Variants in PBX1 observed in about 807,000 individuals in gnomAD.
PBX1 encodes pre-B-cell leukemia transcription factor 1.
PBX1 carries 6 observed loss-of-function variants against 53.4 expected under a neutral mutation model. The ratio of observed to expected loss-of-function variants is 0.11; its 90% confidence interval spans 0.06 to 0.22. The LOEUF is 0.22. PBX1 is among the 10% of genes least tolerant of loss of function. The pLI is 1.00. For missense variants in PBX1, 251 were observed against 551.4 expected (o/e 0.46, Z 5.46); for synonymous variants, 204 against 212.3 (o/e 0.96, Z 0.34).
At chr1:164,842,303 C>T (rs952570866) in intron 8 of PBX1, among the ~76,000 whole-genome samples, 1 of 152,182 alleles carries the variant, frequency 6.6e-6, no homozygotes, top group Admixed American at 6.5e-5. Context: ...GCCATTGCCC[C>T]ATCCTTGGCT....
At chr1:164,709,818 C>T (rs966224819) in intron 2 of PBX1, among the ~76,000 whole-genome samples, 8 of 152,320 alleles carry the variant, frequency 5.3e-5, no homozygotes, top group African/African-American at 1.9e-4. Flanking sequence ...AACATTACCA[C>T]GGACTCAATT....
At chr1:164,603,929 A>ATTTTTTTTTCTTTTTTTT (rs1656370693) in intron 2 of PBX1, among the ~76,000 whole-genome samples, 1 of 75,742 alleles carries the variant, frequency 1.3e-5, no homozygotes, top group Non-Finnish European at 2.3e-5. Context: ...ATGTCATTTC[A>ATTTTTTTTTCTTTTTTTT]TTTTTTTTTT....
In PBX1 at chr1:164,848,683, A is replaced by G. The variant is rs983791845; in HGVS notation, c.*2007A>G. 9 of 1,055,702 alleles carry G rather than the reference A, an allele frequency of 8.5e-6. No homozygotes were observed. Among genetic ancestry groups the G allele is most frequent in the East Asian group, 1.1e-4 (2 of 18,942 alleles). 65.4% of individuals were successfully genotyped at this position (1,055,702 alleles called of 1,614,324 possible). A position where few individuals can be genotyped will look rare whatever the true frequency, so the allele number is the denominator to read the frequency against. ...TTCCCTTAGTTTGCACTTGAACCCAATATGTTGCCTTGTACATACTTGGTC... is the reference window on the plus strand; with the variant it reads ...TTCCCTTAGTTTGCACTTGAACCCAGTATGTTGCCTTGTACATACTTGGTC... On this transcript the variant is annotated 3_prime_UTR_variant, in exon 9 of 9. Coordinates refer to ENST00000420696, the MANE Select transcript of PBX1 (RefSeq NM_002585.4).
intron 3 of PBX1, among the ~76,000 whole-genome samples, chr1:164,797,990 A>G (rs1249835230): frequency 6.6e-6 from 1 of 152,224 alleles, no homozygotes; most frequent in African/African-American, 2.4e-5. Flanking sequence ...AGGTCATGGC[A>G]CAAGAGCATG....
intron 2 of PBX1, among the ~76,000 whole-genome samples, chr1:164,767,642 C>G (rs768523978): frequency 8.2e-5 from 12 of 147,178 alleles, no homozygotes; most frequent in Non-Finnish European, 1.5e-4. Flanking sequence ...GGAGGTAGTA[C>G]AAACATCAAA....
chr1:164,774,527 T>C (rs1246902914), intron 2 of PBX1: 2 of 152,228 alleles, frequency 1.3e-5, no homozygotes, highest in African/African-American at 4.8e-5. Context: ...TGCCCATCAC[T>C]GTGGTTAGAG....
intron 2 of PBX1, chr1:164,770,964 A>C (rs1667336908): frequency 6.6e-6 from 1 of 152,032 alleles, no homozygotes; most frequent in African/African-American, 2.4e-5. Flanking sequence ...TGTTTCCTAA[A>C]GGTTCCAGCT....
intron 8 of PBX1, chr1:164,829,129 T>C (rs1339297560): frequency 6.6e-6 from 1 of 152,208 alleles, no homozygotes; most frequent in African/African-American, 2.4e-5. Flanking sequence ...CTTCATAAAG[T>C]CATAGAAAGC....
chr1:164,601,528 CAGAA>C lies in PBX1; in HGVS notation c.265+38220_265+38223del, dbSNP rs1656174070. Among the ~76,000 whole-genome samples the C allele has an allele frequency of 2.0e-5, 3 of 152,166 alleles. No individual in the cohort carries two copies. In the South Asian group the frequency reaches 6.2e-4, roughly 31 times the overall value. ...AGGGGAAAAAACCATCTCACTTTAACAGAAAGCATGCAAGTGCCCTTTTCTGGAG... is the reference window on the plus strand; with the variant it reads ...AGGGGAAAAAACCATCTCACTTTAACAGCATGCAAGTGCCCTTTTCTGGAG... On this transcript the variant is annotated intron_variant, in intron 2 of 8. Transcript: ENST00000420696.
intron 2 of PBX1, among the ~76,000 whole-genome samples, chr1:164,732,716 C>T (rs147397588): frequency 0.019 from 2,920 of 152,246 alleles, 47 homozygotes; most frequent in Non-Finnish European, 0.03. Context: ...ACACCTCATA[C>T]CAGCCTCCTG....
chr1:164,570,977 A>G (rs540537408), intron 2 of PBX1, among the ~76,000 whole-genome samples: 1 of 152,116 alleles, frequency 6.6e-6, no homozygotes, highest in South Asian at 2.1e-4. Flanking sequence ...GCTTTTTTTC[A>G]TATATGTTTG....
At chr1:164,697,754 A>C (rs2635014) in intron 2 of PBX1, among the ~76,000 whole-genome samples, 36,172 of 152,168 alleles carry the variant, frequency 0.24, 4,548 homozygotes, top group East Asian at 0.46. Context: ...AAATATTATC[A>C]TTTAAAATAA....
chr1:164,702,390 T>A (rs1025697965), intron 2 of PBX1, among the ~76,000 whole-genome samples: 10 of 152,212 alleles, frequency 6.6e-5, no homozygotes, highest in African/African-American at 2.4e-4. Context: ...TGACTCAGCC[T>A]TATTTGCATT....
chr1:164,564,834 TA>T (rs1454589795), intron 2 of PBX1, among the ~76,000 whole-genome samples: 7 of 151,748 alleles, frequency 4.6e-5, no homozygotes, highest in Admixed American at 1.3e-4. Flanking sequence ...TATTTATATA[TA>T]TTTTTTTATC....
chr1:164,652,321 A>C (rs753488970), intron 2 of PBX1, among the ~76,000 whole-genome samples: 2 of 152,162 alleles, frequency 1.3e-5, no homozygotes, highest in Non-Finnish European at 2.9e-5. Context: ...CTGTGGGGGT[A>C]CTCTAGCAGA....
chr1:164,797,814 G>A (rs1668861705), intron 3 of PBX1, among the ~76,000 whole-genome samples: 1 of 152,200 alleles, frequency 6.6e-6, no homozygotes, highest in Admixed American at 6.5e-5. Flanking sequence ...TTATCAGGTA[G>A]GGTATTGCCA....
At chr1:164,672,576 A>G (rs1020307623) in intron 2 of PBX1, among the ~76,000 whole-genome samples, 7 of 152,176 alleles carry the variant, frequency 4.6e-5, no homozygotes, top group Non-Finnish European at 1.0e-4. Context: ...AATAATTTCC[A>G]TAAGATTTTT....
At chr1:164,852,428 G>A (rs1190627439), downstream of PBX1, among the ~76,000 whole-genome samples, 3 of 152,170 alleles carry the variant, frequency 2.0e-5, no homozygotes, top group Non-Finnish European at 4.4e-5. Context: ...AGGTTTCGAA[G>A]TGTTACAGAG....
intron 2 of PBX1, among the ~76,000 whole-genome samples, chr1:164,574,673 A>C (rs897451472): frequency 6.6e-6 from 1 of 152,152 alleles, no homozygotes; most frequent in Non-Finnish European, 1.5e-5. Context: ...AGAGGGAAAA[A>C]AATAGTGGAA....
Sources: gnomAD v4.1 joint callset for allele counts (sites outside exome capture counted in the v4.1 genomes callset) on GRCh38, gnomAD v4.1.1 for gene constraint, MANE v1.5 for transcripts, NCBI Gene and HGNC (gene_info 2026-07-23, HGNC 2026-07-21) for gene names.